Variants in CLRN1 observed in about 807,000 individuals in gnomAD.
The protein encoded by CLRN1 is clarin 1.
A neutral mutation model predicts 18.7 loss-of-function variants in CLRN1; 15 were observed. The observed-to-expected ratio is 0.80, with a 90% CI of 0.54 to 1.23. The LOEUF (loss-of-function observed/expected upper bound fraction) is 1.23, where lower values mean the gene tolerates loss of function less well. Ranked by LOEUF, CLRN1 falls within the 50% of genes most tolerant of loss-of-function variation. CLRN1 has a pLI of 0.00. For synonymous variants in CLRN1, 104 were observed against 102.9 expected (o/e 1.01, Z -0.07); for missense variants, 311 against 277.5 (o/e 1.12, Z -0.86).
At position 150,927,808 on chromosome 3, in the gene CLRN1, G is replaced by A; in HGVS notation, c.*128C>T. Reference sequence around the variant, plus strand: ...AGCCTGTATCCTTAGTACGTAATTTGTAAACATTGTCACGAAGGGTCCTGA... The same window carrying A: ...AGCCTGTATCCTTAGTACGTAATTTATAAACATTGTCACGAAGGGTCCTGA... On this transcript the variant is annotated 3_prime_UTR_variant, in exon 3 of 3. Coordinates refer to ENST00000327047, the MANE Select transcript of CLRN1 (RefSeq NM_174878.3). 1 of 1,179,266 alleles carries A rather than the reference G, an allele frequency of 8.5e-7. No homozygotes were observed. The highest frequency in any genetic ancestry group is 1.3e-6 in the Non-Finnish European group (1 of 799,242). 73.1% of individuals were successfully genotyped at this position (1,179,266 alleles called of 1,614,324 possible).
upstream of CLRN1, chr3:150,972,733 C>T (rs778115023): frequency 1.2e-6 from 2 of 1,614,094 alleles, no homozygotes; most frequent in South Asian, 1.1e-5. Flanking sequence ...TCTGTGAGGG[C>T]GAGGTTCAAA....
chr3:150,949,321 C>T (rs1009976538), intron 1 of CLRN1, among the ~76,000 whole-genome samples: 18 of 152,138 alleles, frequency 1.2e-4, no homozygotes, highest in African/African-American at 4.1e-4. Flanking sequence ...CCTCTCTCAC[C>T]ACGCCTATTC....
At chr3:150,944,122 G>T (rs1471421378) in intron 1 of CLRN1, 1 of 499,194 alleles carries the variant, frequency 2.0e-6, no homozygotes, top group African/African-American at 1.9e-5. Flanking sequence ...ACACCTGAAT[G>T]TTGAGAAGGA....
Position 150,934,423 on chromosome 3 carries a change from A to G in CLRN1, c.434-6222T>C, listed in dbSNP as rs574261166. Reference sequence around the variant, plus strand: ...TGACGCTATGTGTAAGAGAAGCTATATGTAAGAAAGCCTATATATAAGAGA... The same window carrying G: ...TGACGCTATGTGTAAGAGAAGCTATGTGTAAGAAAGCCTATATATAAGAGA... On this transcript the variant is annotated intron_variant, in intron 2 of 2. Coordinates refer to ENST00000327047, the MANE Select transcript of CLRN1 (RefSeq NM_174878.3). Among the ~76,000 whole-genome samples the G allele has an allele frequency of 1.1e-4, 16 of 152,364 alleles. 1 individual carries two copies. In the South Asian group the frequency reaches 3.3e-3, roughly 32 times the overall value.
At chr3:150,934,855 A>T (rs575161487) in intron 2 of CLRN1, among the ~76,000 whole-genome samples, 86 of 150,738 alleles carry the variant, frequency 5.7e-4, no homozygotes, top group African/African-American at 2.0e-3. Flanking sequence ...CTTCCACTGT[A>T]TTATAAATCT....
rs1712829247 is a variant in CLRN1, at chr3:150,927,025, C to T, written c.*911G>A. ...CATAATTGCATATTAGTACTCGAGA[C>T]ACTATAGCTAGAAAAACAGCCCCTA... On this transcript the variant is annotated 3_prime_UTR_variant, in exon 3 of 3. Transcript: ENST00000327047. 2 of 1,392,056 alleles carry T rather than the reference C, an allele frequency of 1.4e-6. No homozygotes were observed. Among genetic ancestry groups the T allele is most frequent in the Non-Finnish European group, 2.0e-6 (2 of 1,008,606 alleles). The allele number at this position is 1,392,056 out of a possible 1,614,324, so 86.2% of individuals were successfully genotyped here. A position where few individuals can be genotyped will look rare whatever the true frequency, so the allele number is the denominator to read the frequency against.
At chr3:150,951,021 C>A (rs962488685) in intron 1 of CLRN1, among the ~76,000 whole-genome samples, 15 of 152,104 alleles carry the variant, frequency 9.9e-5, no homozygotes, top group African/African-American at 3.6e-4. Context: ...AGGCTATCAT[C>A]CTTAGCAAAC....
At chr3:150,971,370 G>A (rs1259448895) in intron 1 of CLRN1, among the ~76,000 whole-genome samples, 1 of 152,172 alleles carries the variant, frequency 6.6e-6, no homozygotes, top group Non-Finnish European at 1.5e-5. Flanking sequence ...AGTAACCTAT[G>A]TGAGCTGAAG....
At chr3:150,943,044 G>T (rs1713951314) in intron 1 of CLRN1, among the ~76,000 whole-genome samples, 1 of 152,184 alleles carries the variant, frequency 6.6e-6, no homozygotes, top group Admixed American at 6.5e-5. Flanking sequence ...CAACCCAGTT[G>T]CTATGTAACT....
At chr3:150,949,002 A>C (rs1714338873) in intron 1 of CLRN1, among the ~76,000 whole-genome samples, 1 of 152,180 alleles carries the variant, frequency 6.6e-6, no homozygotes, top group Admixed American at 6.5e-5. Context: ...TCAAAAAGCT[A>C]AACCACCACA....
intron 2 of CLRN1, among the ~76,000 whole-genome samples, chr3:150,939,683 C>G (rs1341685914): frequency 6.6e-6 from 1 of 152,164 alleles, no homozygotes; most frequent in Non-Finnish European, 1.5e-5. Context: ...TCTGGGAACT[C>G]CAGTTTGAGA....
At chr3:150,928,339 T>G (rs957198171) in intron 2 of CLRN1, 138 bp from the exon 3 acceptor site, 1 of 1,104,226 alleles carries the variant, frequency 9.1e-7, no homozygotes, top group African/African-American at 1.6e-5. Flanking sequence ...TATTGCATAT[T>G]TGTAATCATG....
intron 1 of CLRN1, 141 bp downstream of exon 1, chr3:150,972,315 G>C: frequency 1.0e-6 from 1 of 983,732 alleles, no homozygotes; most frequent in Non-Finnish European, 1.5e-6. Context: ...AAATTGCTCA[G>C]AGTCATAGGT....
At chr3:150,929,240 T>C (rs1712997496) in intron 2 of CLRN1, among the ~76,000 whole-genome samples, 1 of 152,204 alleles carries the variant, frequency 6.6e-6, no homozygotes, top group Non-Finnish European at 1.5e-5. Context: ...ACAGGGGCAC[T>C]CCATACTGGC....
chr3:150,956,403 A>G (rs547088801), intron 1 of CLRN1, among the ~76,000 whole-genome samples: 88 of 152,316 alleles, frequency 5.8e-4, no homozygotes, highest in South Asian at 1.0e-3. Flanking sequence ...TGGTAAGCAG[A>G]AATTTCTGAC....
chr3:150,940,534 G>GA, intron 2 of CLRN1: 3 of 1,534,126 alleles, frequency 2.0e-6, no homozygotes, highest in Non-Finnish European at 2.6e-6. Context: ...AGGAGAAAAA[G>GA]AAACAGTCGA....
intron 1 of CLRN1, among the ~76,000 whole-genome samples, chr3:150,947,909 GA>G (rs1239212061): frequency 6.6e-6 from 1 of 152,192 alleles, no homozygotes; most frequent in Admixed American, 6.5e-5. Flanking sequence ...GCAGTGTTAA[GA>G]GTTAAATTTA....
chr3:150,947,746 A>G (rs1576635887), intron 1 of CLRN1, among the ~76,000 whole-genome samples: 2 of 152,220 alleles, frequency 1.3e-5, no homozygotes, highest in African/African-American at 4.8e-5. Flanking sequence ...AGACTAAGAA[A>G]ATCGCTCAAA....
intron 1 of CLRN1, 126 bp downstream of exon 1, chr3:150,972,330 C>A: frequency 2.5e-6 from 3 of 1,217,152 alleles, no homozygotes; most frequent in East Asian, 2.5e-5. Flanking sequence ...ATAGGTTTTT[C>A]ATATGGTTCA....
Sources: allele counts gnomAD v4.1 joint callset (sites outside exome capture counted in the v4.1 genomes callset), GRCh38; gene constraint gnomAD v4.1.1; transcripts MANE v1.5; gene names NCBI Gene and HGNC (gene_info 2026-07-23, HGNC 2026-07-21).